HIPK1: variants seen among roughly 807,000 people sequenced by gnomAD.
The protein encoded by HIPK1 is homeodomain interacting protein kinase 1.
A neutral mutation model predicts 117.1 loss-of-function variants in HIPK1; 28 were observed. That is an observed-to-expected ratio of 0.24 (90% CI 0.18 to 0.33). The LOEUF is 0.33. HIPK1 is among the 10% of genes least tolerant of loss of function. The pLI, the probability that HIPK1 is intolerant of heterozygous loss-of-function variation, is 1.00. For synonymous variants in HIPK1, 605 were observed against 562.5 expected (o/e 1.08, Z -1.07); for missense variants, 1,122 against 1,475.1 (o/e 0.76, Z 3.92).
In HIPK1 at chr1:113,966,112, ATGTG is replaced by A; in HGVS notation, c.2239-14_2239-11del. The A allele has an allele frequency of 6.2e-7, 1 of 1,604,512 alleles. No homozygotes were observed. On this transcript the variant is annotated splice_polypyrimidine_tract_variant and intron_variant, in intron 10 of 15. Transcript: ENST00000426820. ...AATGAATCAAGTCTGGATGTTTTTTATGTGTGTTTCCTTACAGCAGGCGTGGCCT... is the reference window on the plus strand; with the variant it reads ...AATGAATCAAGTCTGGATGTTTTTTATGTTTCCTTACAGCAGGCGTGGCCT...
At chr1:113,935,367 C>G (rs780956193) in intron 1 of HIPK1, among the ~76,000 whole-genome samples, 25 of 152,122 alleles carry the variant, frequency 1.6e-4, no homozygotes, top group Non-Finnish European at 2.9e-4. Context: ...TGGTCTTGTT[C>G]TTTTTTATGG....
chr1:113,944,493 T>G (rs530245486), intron 2 of HIPK1, among the ~76,000 whole-genome samples: 3 of 142,444 alleles, frequency 2.1e-5, no homozygotes, highest in South Asian at 2.3e-4. Context: ...TTTTTTTTTG[T>G]TTTTTTTTTG....
At chr1:113,938,835 C>T (rs1670425753) in intron 1 of HIPK1, among the ~76,000 whole-genome samples, 2 of 150,506 alleles carry the variant, frequency 1.3e-5, no homozygotes, top group African/African-American at 4.9e-5. Flanking sequence ...GCTTGAGCCC[C>T]AGAGGTGAAG....
intron 13 of HIPK1, 43 bp downstream of exon 13, chr1:113,968,691 G>A: frequency 1.9e-6 from 3 of 1,541,574 alleles, no homozygotes; most frequent in Non-Finnish European, 2.7e-6. Context: ...GTTTTAGACT[G>A]TTGGCCTCAG....
rs780166628 is a variant in HIPK1, at chr1:113,973,155, G to A, written c.3276G>A (p.Ser1092=). The change falls in exon 16 of 16, where the codon TCG becomes TCA. Residue 1092 remains serine, a synonymous_variant. Coordinates refer to ENST00000426820, the MANE Select transcript of HIPK1 (RefSeq NM_198268.3). The stretch of plus-strand genomic sequence containing the variant: ...TCCAGCATGGCAGCCCGCTACACTC[G>A]ACAGGGCACCCACACCTTGCCCCGG... The part of the protein sequence containing the change: ...YTFQHGSPLH[S]TGHPHLAPAP... 16 of 1,606,994 alleles carry A rather than the reference G, an allele frequency of 1.0e-5. No individual in the cohort carries two copies. Among genetic ancestry groups the A allele is most frequent in the African/African-American group, 8.0e-5 (6 of 74,836 alleles).
intron 2 of HIPK1, among the ~76,000 whole-genome samples, chr1:113,944,159 G>GGTT (rs369093003): frequency 1.8e-5 from 1 of 55,218 alleles, no homozygotes; most frequent in Admixed American, 2.6e-4. Context: ...ATAGCCATGG[G>GGTT]TTTTTTTTTT....
chr1:113,964,124 G>A (rs1454864021), intron 10 of HIPK1, among the ~76,000 whole-genome samples: 1 of 152,140 alleles, frequency 6.6e-6, no homozygotes, highest in African/African-American at 2.4e-5. Flanking sequence ...ATCAGTGGCA[G>A]CTTATATCTT....
rs1222321225 is a variant in HIPK1, at chr1:113,958,243, A to G, written c.1933A>G (p.Thr645Ala). The change falls in exon 8 of 16, where the codon ACA (threonine) becomes GCA (alanine). Residue 645 changes from threonine to alanine, a missense_variant. By Grantham distance (58) the Thr-to-Ala change is moderately conservative. Transcript: ENST00000426820. ...QPGTTQICTQ[T>A]DPFQQTFIVC... ...TGGAACCACCCAGATTTGCACTCAG[A>G]CAGATCCATTCCAACAGACATTTAT... The G allele has an allele frequency of 6.2e-7, 1 of 1,614,198 alleles. No homozygotes were observed. The highest frequency in any genetic ancestry group is 1.7e-5 in the Admixed American group (1 of 60,018).
intron 5 of HIPK1, among the ~76,000 whole-genome samples, chr1:113,955,981 T>C (rs572330696): frequency 1.3e-5 from 2 of 152,214 alleles, no homozygotes; most frequent in Admixed American, 1.3e-4. Context: ...CTCTGAACAC[T>C]TCACACTTAT....
chr1:113,931,171 T>G (rs1287258600), intron 1 of HIPK1, among the ~76,000 whole-genome samples: 1 of 150,328 alleles, frequency 6.7e-6, no homozygotes, highest in Non-Finnish European at 1.5e-5. Flanking sequence ...TCTGTGGGTT[T>G]TTTTTTTTTT....
At chr1:113,945,342 A>G (rs1296412596) in intron 2 of HIPK1, among the ~76,000 whole-genome samples, 1 of 152,204 alleles carries the variant, frequency 6.6e-6, no homozygotes, top group Non-Finnish European at 1.5e-5. Flanking sequence ...AACTTTGGTG[A>G]AGTGCAGTTT....
intron 12 of HIPK1, 22 bp from the exon 13 acceptor site, chr1:113,968,420 T>G: frequency 6.4e-7 from 1 of 1,570,738 alleles, no homozygotes; most frequent in Non-Finnish European, 8.8e-7. Flanking sequence ...GAATCATCTT[T>G]CCATGTGAAC....
chr1:113,944,969 T>C (rs1670893689), intron 2 of HIPK1, among the ~76,000 whole-genome samples: 1 of 152,188 alleles, frequency 6.6e-6, no homozygotes, highest in Admixed American at 6.5e-5. Flanking sequence ...CACCTTAGCC[T>C]TTCGGGTACC....
Position 113,958,256 on chromosome 1 carries a change from A to G in HIPK1, c.1946A>G (p.Gln649Arg), listed in dbSNP as rs774278610. ...ATTTGCACTCAGACAGATCCATTCC[A>G]ACAGACATTTATAGTATGTCCACCT... The part of the protein sequence containing the change: ...TQICTQTDPF[Q>R]QTFIVCPPAF... Residue 649 changes from glutamine (Q) to arginine (R), a missense_variant, in exon 8 of 16, where the codon CAA becomes CGA. Around this residue, in one of 6 missense-constraint regions of HIPK1, gnomAD observed 731 missense variants for 860.4 expected, o/e 0.85. Transcript: ENST00000426820. The G allele has an allele frequency of 1.9e-6, 3 of 1,614,042 alleles. No individual in the cohort carries two copies. In the South Asian group the frequency reaches 3.3e-5, roughly 18 times the overall value.
intron 2 of HIPK1, among the ~76,000 whole-genome samples, chr1:113,950,404 T>C (rs1351179578): frequency 6.6e-6 from 1 of 152,178 alleles, no homozygotes; most frequent in African/African-American, 2.4e-5. Context: ...AGTGTCCTTA[T>C]AGATTATAAT....
At chr1:113,955,889 A>G (rs1671683383) in intron 5 of HIPK1, among the ~76,000 whole-genome samples, 1 of 152,104 alleles carries the variant, frequency 6.6e-6, no homozygotes, top group East Asian at 1.9e-4. Flanking sequence ...GTTTTAAAAT[A>G]TTACTTATGA....
intron 15 of HIPK1, 144 bp from the exon 16 acceptor site, chr1:113,972,880 A>T: frequency 1.2e-6 from 1 of 803,542 alleles, no homozygotes; most frequent in Non-Finnish European, 1.8e-6. Context: ...CTGATTTCTG[A>T]CAGCATTCAA....
chr1:113,940,404 G>T lies in HIPK1; in HGVS notation c.21G>T (p.Val7=). 1 of 1,608,454 alleles carries T rather than the reference G, an allele frequency of 6.2e-7. No homozygotes were observed. The highest frequency in any genetic ancestry group is 1.3e-5 in the African/African-American group (1 of 74,806). Residue 7 remains valine, a synonymous_variant, in exon 2 of 16, where the codon GTG becomes GTT. Transcript: ENST00000426820. MASQLQ[V]FSPPSVSSSA... is the part of the protein sequence containing the mutation. ...TAGGTATGGCATCACAGCTGCAAGT[G>T]TTTTCGCCCCCATCAGTGTCGTCGA...
At chr1:113,952,984 T>C (rs1275580477) in intron 3 of HIPK1, 95 bp downstream of exon 3, 16 of 1,161,372 alleles carry the variant, frequency 1.4e-5, no homozygotes, top group Non-Finnish European at 1.2e-5. Flanking sequence ...CTGAAGTATT[T>C]AGATAATAGG....
Sources: allele counts gnomAD v4.1 joint callset (sites outside exome capture counted in the v4.1 genomes callset), GRCh38; gene constraint gnomAD v4.1.1; regional missense constraint gnomAD v4.1.1; transcripts MANE v1.5; gene names NCBI Gene and HGNC (gene_info 2026-07-23, HGNC 2026-07-21).